Variants in DNAH12 observed in about 807,000 individuals in gnomAD.
The protein encoded by DNAH12 is dynein axonemal heavy chain 12.
In DNAH12, 285 loss-of-function variants were observed where a neutral mutation model predicts 371.5. That is an observed-to-expected ratio of 0.77 (90% CI 0.70 to 0.85). The LOEUF (loss-of-function observed/expected upper bound fraction) is 0.85, where lower values mean the gene tolerates loss of function less well. DNAH12 is among the 40% of genes least tolerant of loss of function. The probability of loss-of-function intolerance (pLI) is 0.00; values close to 1 mark genes in which losing one functional copy is unlikely to be tolerated. For missense variants in DNAH12, 3,611 were observed against 3,689.4 expected (o/e 0.98, Z 0.55); for synonymous variants, 1,200 against 1,213.0 (o/e 0.99, Z 0.22).
intron 55 of DNAH12, among the ~76,000 whole-genome samples, chr3:57,372,202 C>T (rs2153337491): frequency 1.3e-5 from 2 of 152,112 alleles, no homozygotes; most frequent in South Asian, 4.1e-4. Flanking sequence ...GATTTGATCA[C>T]TGTACATGGA....
intron 40 of DNAH12, among the ~76,000 whole-genome samples, chr3:57,407,803 A>AT (rs1233047655): frequency 2.6e-5 from 4 of 152,002 alleles, no homozygotes; most frequent in South Asian, 2.1e-4. Flanking sequence ...TTTTATAATT[A>AT]TTTTTTCATT....
intron 28 of DNAH12, 114 bp downstream of exon 28, chr3:57,445,060 A>T (rs1296135924): frequency 2.4e-6 from 3 of 1,275,432 alleles, no homozygotes; most frequent in Middle Eastern, 2.8e-4. Context: ...TCAACCTCTT[A>T]TGAAAAGACA....
At chr3:57,418,368 A>G (rs1410953784) in intron 37 of DNAH12, among the ~76,000 whole-genome samples, 1 of 36,040 alleles carries the variant, frequency 2.8e-5, no homozygotes, top group Non-Finnish European at 4.7e-5. Context: ...GTCTCTACAA[A>G]AAAAAAAAAA....
At chr3:57,544,993 T>G (rs564550824), upstream of DNAH12, among the ~76,000 whole-genome samples, 11 of 150,916 alleles carry the variant, frequency 7.3e-5, no homozygotes, top group Admixed American at 2.6e-4. Context: ...CTACGTAATT[T>G]TTTTTTTTTT....
chr3:57,333,328 A>ATTTTTTTTTTTTTTTTTTTTTTTTT (rs2062147484), intron 62 of DNAH12, among the ~76,000 whole-genome samples: 1 of 97,768 alleles, frequency 1.0e-5, no homozygotes, highest in African/African-American at 5.5e-5. Flanking sequence ...TTTTAAGGCA[A>ATTTTTTTTTTTTTTTTTTTTTTTTT]CTTTTTTTTT....
At chr3:57,446,889 T>C (rs1442366662) in intron 25 of DNAH12, among the ~76,000 whole-genome samples, 200 bp from the exon 26 acceptor site, 1 of 152,230 alleles carries the variant, frequency 6.6e-6, no homozygotes, top group Non-Finnish European at 1.5e-5. Flanking sequence ...TGACAATGTA[T>C]CAAAACTTGT....
chr3:57,384,610 C>G (rs1404940135), intron 49 of DNAH12, among the ~76,000 whole-genome samples: 1 of 152,062 alleles, frequency 6.6e-6, no homozygotes, highest in South Asian at 2.1e-4. Context: ...CACTACTGCA[C>G]TCCAGCTTGG....
At chr3:57,402,824 A>G (rs535590546) in intron 43 of DNAH12, among the ~76,000 whole-genome samples, 5 of 152,260 alleles carry the variant, frequency 3.3e-5, no homozygotes, top group Non-Finnish European at 7.3e-5. Flanking sequence ...AAGATTTGCA[A>G]CATTCCCAAC....
intron 65 of DNAH12, among the ~76,000 whole-genome samples, chr3:57,316,603 C>G (rs2061690652): frequency 6.6e-6 from 1 of 152,132 alleles, no homozygotes. Flanking sequence ...CCACCTAAAT[C>G]TCAGCTCAAT....
intron 57 of DNAH12, among the ~76,000 whole-genome samples, chr3:57,364,505 A>C (rs1164452080): frequency 6.6e-6 from 1 of 152,156 alleles, no homozygotes; most frequent in African/African-American, 2.4e-5. Context: ...CATTTTAAAA[A>C]AAATACATAT....
intron 60 of DNAH12, among the ~76,000 whole-genome samples, chr3:57,351,792 C>A (rs946502780): frequency 2.0e-5 from 3 of 152,040 alleles, no homozygotes; most frequent in Non-Finnish European, 1.5e-5. Flanking sequence ...GAAAGGAGTA[C>A]AAGTGCTTCA....
intron 4 of DNAH12, among the ~76,000 whole-genome samples, chr3:57,519,200 T>C (rs867873563): frequency 1.3e-5 from 2 of 152,212 alleles, no homozygotes; most frequent in Admixed American, 6.5e-5. Flanking sequence ...GTATCCTCTA[T>C]GGTAAAATGT....
rs2061221783 is a variant in DNAH12, at chr3:57,295,811, T to A, written c.11625-219A>T. Among the ~76,000 whole-genome samples, 4 of 152,234 alleles carry A rather than the reference T, an allele frequency of 2.6e-5. No homozygotes were observed. The South Asian group carries it at 8.3e-4, about 32-fold the overall frequency. On this transcript the variant is annotated intron_variant, in intron 72 of 73. Transcript: ENST00000495027. ...GGTAAACAGTGGACACATATGAATG[T>A]CTGCCAATTTTTAATGATTGTCCAT...
intron 2 of DNAH12, among the ~76,000 whole-genome samples, chr3:57,540,983 A>G (rs1174913775): frequency 1.3e-5 from 2 of 151,766 alleles, no homozygotes; most frequent in African/African-American, 2.4e-5. Context: ...TCCCTTCTCT[A>G]AATCTACTGA....
rs142555302 is a variant in DNAH12, at chr3:57,322,612, A to T, written c.10384-129T>A. On this transcript the variant is annotated intron_variant, in intron 64 of 73. Coordinates refer to ENST00000495027, the MANE Select transcript of DNAH12 (RefSeq NM_001366028.2). ...AATATTCAAAAAACCTCTTAAGGTTAAGCATCTGAGGCTTGATTAAGATAT... is the reference window on the plus strand; with the variant it reads ...AATATTCAAAAAACCTCTTAAGGTTTAGCATCTGAGGCTTGATTAAGATAT... The T allele has an allele frequency of 2.8e-4, 311 of 1,128,746 alleles. No homozygotes were observed. The African/African-American group carries it at 4.6e-3, about 17-fold the overall frequency. The allele number at this position is 1,128,746 out of a possible 1,614,324, so 69.9% of individuals were successfully genotyped here. A position where few individuals can be genotyped will look rare whatever the true frequency, so the allele number is the denominator to read the frequency against.
At chr3:57,425,836 T>C (rs146120961) in intron 34 of DNAH12, among the ~76,000 whole-genome samples, 263 of 152,238 alleles carry the variant, frequency 1.7e-3, no homozygotes, top group Non-Finnish European at 2.6e-3. Context: ...TATACCTATG[T>C]GGCAAGCTAG....
Position 57,458,173 on chromosome 3 carries a change from G to A in DNAH12, c.2979C>T (p.Asn993=). 6.5e-7 allele frequency: 1 copy of A among 1,549,678 alleles called. No homozygotes were observed. The highest frequency in any genetic ancestry group is 1.2e-5 in the South Asian group (1 of 83,268). Residue 993 remains asparagine (N), a synonymous_variant, in exon 21 of 74, where the codon AAC becomes AAT. Coordinates refer to ENST00000495027, the MANE Select transcript of DNAH12 (RefSeq NM_001366028.2). ...SLTGLLEKLQ[N]CNELLEKIMK... ...TAATTTTCTCCAAAAGTTCATTGCAGTTCTGTAGTTTTTCCAATAAACCTG... is the reference window on the plus strand; with the variant it reads ...TAATTTTCTCCAAAAGTTCATTGCAATTCTGTAGTTTTTCCAATAAACCTG...
chr3:57,521,647 G>A (rs1412075023), intron 4 of DNAH12, among the ~76,000 whole-genome samples: 1 of 152,244 alleles, frequency 6.6e-6, no homozygotes, highest in African/African-American at 2.4e-5. Flanking sequence ...AGCACTTTGG[G>A]AGGCCAAGGT....
At chr3:57,445,042 CCAT>C (rs1302503076) in intron 28 of DNAH12, 129 bp downstream of exon 28, 10 of 1,206,610 alleles carry the variant, frequency 8.3e-6, no homozygotes, top group African/African-American at 7.7e-5. Context: ...ACCCAAAAAA[CCAT>C]CATTTCAACC....
Sources: gnomAD v4.1 joint callset for allele counts (sites outside exome capture counted in the v4.1 genomes callset) on GRCh38, gnomAD v4.1.1 for gene constraint, MANE v1.5 for transcripts, NCBI Gene and HGNC (gene_info 2026-07-23, HGNC 2026-07-21) for gene names.